Variants in FARP1 observed in about 807,000 individuals in gnomAD.
FARP1 encodes FERM, ARH/RhoGEF and pleckstrin domain protein 1.
FARP1 carries 52 observed loss-of-function variants against 128.8 expected under a neutral mutation model. The ratio of observed to expected loss-of-function variants is 0.40; its 90% CI spans 0.32 to 0.51. The LOEUF (loss-of-function observed/expected upper bound fraction) is 0.51, where lower values mean the gene tolerates loss of function less well. Ranked by LOEUF, FARP1 falls within the 20% of genes least tolerant of loss-of-function variation. The pLI, the probability that FARP1 is intolerant of heterozygous loss-of-function variation, is 0.45. For synonymous variants in FARP1, 580 were observed against 551.8 expected, an observed-to-expected ratio of 1.05 and a Z score of -0.72; for missense variants, 1,333 against 1,367.9, an observed-to-expected ratio of 0.97 and a Z score of 0.40.
intron 2 of FARP1, among the ~76,000 whole-genome samples, chr13:98,231,052 A>T (rs1337155587): frequency 6.6e-6 from 1 of 152,004 alleles, no homozygotes; most frequent in African/African-American, 2.4e-5. Flanking sequence ...GTAAGGGGGG[A>T]ACTGCCCCCC....
At chr13:98,217,225 T>G (rs1778310898) in intron 2 of FARP1, among the ~76,000 whole-genome samples, 1 of 151,982 alleles carries the variant, frequency 6.6e-6, no homozygotes. Flanking sequence ...ACACAGCCAT[T>G]TTTATTTTTT....
chr13:98,395,584 C>T, intron 13 of FARP1, 108 bp downstream of exon 13: 2 of 1,326,700 alleles, frequency 1.5e-6, no homozygotes, highest in Non-Finnish European at 2.0e-6. Context: ...GTCCCGATCC[C>T]GGTCCCGATC....
At chr13:98,396,785 T>G (rs1287287295) in intron 13 of FARP1, 1 of 292,692 alleles carries the variant, frequency 3.4e-6, no homozygotes, top group Non-Finnish European at 6.3e-6. Flanking sequence ...AAGAAACACT[T>G]TATTATGAAT....
chr13:98,440,727 C>T lies in FARP1; in HGVS notation c.2687C>T (p.Ser896Leu), dbSNP rs745947051. The T allele has an allele frequency of 1.5e-5, 24 of 1,613,406 alleles. No individual in the cohort carries two copies. The highest frequency in any genetic ancestry group is 5.5e-5 in the South Asian group (5 of 91,078). ...DQESEDDLSA[S>L]RTSLERQAPH... The stretch of plus-strand genomic sequence containing the variant: ...GAGTCAGAGGATGACCTGAGCGCCT[C>T]GCGCACATCGCTGGAGCGCCAGGCC... Residue 896 changes from serine (S) to leucine (L), a missense_variant, in exon 24 of 27, where the codon TCG (serine) becomes TTG (leucine). Ser to Leu is a moderately radical substitution (Grantham distance 145). Transcript: ENST00000319562.
chr13:98,431,020 C>T lies in FARP1; in HGVS notation c.1906-23C>T, dbSNP rs184889624. 7 of 1,547,900 alleles carry T rather than the reference C, an allele frequency of 4.5e-6. No individual in the cohort carries two copies. In the African/African-American group the frequency reaches 5.4e-5, roughly 12 times the overall value. On this transcript the variant is annotated intron_variant, in intron 17 of 26. Transcript: ENST00000319562. ...GCATCCCATTCAGCTGAACAGGACC[C>T]TCCTCCTCTGTTGCCTCCCAAGCAC...
chr13:98,290,239 A>G (rs1194189508), intron 2 of FARP1, among the ~76,000 whole-genome samples: 1 of 152,054 alleles, frequency 6.6e-6, no homozygotes, highest in Non-Finnish European at 1.5e-5. Flanking sequence ...ACTAAGTACT[A>G]CAAAGAAAAA....
At chr13:98,266,904 C>G (rs944090485) in intron 2 of FARP1, among the ~76,000 whole-genome samples, 1 of 151,054 alleles carries the variant, frequency 6.6e-6, no homozygotes, top group Non-Finnish European at 1.5e-5. Flanking sequence ...ATCCCAGCTA[C>G]TCAGGAGGCT....
At chr13:98,268,818 G>GTGTGTGTGTGTA (rs901859010) in intron 2 of FARP1, among the ~76,000 whole-genome samples, 1 of 144,386 alleles carries the variant, frequency 6.9e-6, no homozygotes, top group African/African-American at 2.6e-5. Context: ...GTGTGTGTGT[G>GTGTGTGTGTGTA]TATACAGCTT....
intron 4 of FARP1, 116 bp downstream of exon 4, chr13:98,365,553 A>T: frequency 1.5e-6 from 1 of 651,586 alleles, no homozygotes; most frequent in South Asian, 2.7e-5. Context: ...CTTCTACCCC[A>T]TAATTGCTTT....
intron 2 of FARP1, among the ~76,000 whole-genome samples, chr13:98,253,118 A>G (rs1327427612): frequency 6.6e-6 from 1 of 152,242 alleles, no homozygotes; most frequent in Non-Finnish European, 1.5e-5. Flanking sequence ...CGACGAAAGC[A>G]ATGTTCAAGC....
At chr13:98,428,124 C>G (rs761273618) in intron 17 of FARP1, among the ~76,000 whole-genome samples, 1 of 151,068 alleles carries the variant, frequency 6.6e-6, no homozygotes, top group African/African-American at 2.4e-5. Context: ...TTCCCAGACT[C>G]TGCACACAGG....
chr13:98,398,645 T>A (rs546974336), intron 13 of FARP1: 1 of 152,318 alleles, frequency 6.6e-6, no homozygotes, highest in South Asian at 2.1e-4. Flanking sequence ...GAAGAACTAC[T>A]TCTTTTTATA....
At chr13:98,430,993 G>T (rs1401871934) in intron 17 of FARP1, 50 bp from the exon 18 acceptor site, 5 of 1,213,196 alleles carry the variant, frequency 4.1e-6, no homozygotes, top group Non-Finnish European at 6.0e-6. Flanking sequence ...CAGAACACAG[G>T]TGCATCCCAT....
chr13:98,253,486 G>A (rs1425846885), intron 2 of FARP1, among the ~76,000 whole-genome samples: 1 of 152,134 alleles, frequency 6.6e-6, no homozygotes, highest in African/African-American at 2.4e-5. Context: ...AACTGGATTT[G>A]GACCCTGCCT....
chr13:98,228,153 G>C (rs931687186), intron 2 of FARP1, among the ~76,000 whole-genome samples: 1 of 152,242 alleles, frequency 6.6e-6, no homozygotes, highest in Non-Finnish European at 1.5e-5. Flanking sequence ...GAAGTCAGGA[G>C]TTTGAGACTA....
intron 2 of FARP1, among the ~76,000 whole-genome samples, chr13:98,320,633 C>T (rs1305453553): frequency 6.6e-6 from 1 of 152,182 alleles, no homozygotes; most frequent in African/African-American, 2.4e-5. Flanking sequence ...TTAGAAAACT[C>T]TCAGGATTTG....
chr13:98,222,794 AT>A (rs34198874), intron 2 of FARP1, among the ~76,000 whole-genome samples: 21,466 of 124,654 alleles, frequency 0.17, 1,825 homozygotes, highest in East Asian at 0.23. Context: ...TGCCCAGCTA[AT>A]TTTTTTTTTT....
chr13:98,192,813 T>C (rs904430939), intron 1 of FARP1, among the ~76,000 whole-genome samples: 5 of 152,170 alleles, frequency 3.3e-5, no homozygotes, highest in African/African-American at 1.2e-4. Flanking sequence ...GCCAGAGAAA[T>C]TTGCTTGTAC....
At chr13:98,255,710 G>A (rs1883555693) in intron 2 of FARP1, among the ~76,000 whole-genome samples, 1 of 152,176 alleles carries the variant, frequency 6.6e-6, no homozygotes, top group African/African-American at 2.4e-5. Flanking sequence ...TTAAAAGTTA[G>A]CAAAGGCTAA....
Sources: gnomAD v4.1 joint callset for allele counts (sites outside exome capture counted in the v4.1 genomes callset) on GRCh38, gnomAD v4.1.1 for gene constraint, MANE v1.5 for transcripts, NCBI Gene and HGNC (gene_info 2026-07-23, HGNC 2026-07-21) for gene names.